The following ADGRL2 variants were observed in gnomAD, a reference collection of about 807,000 sequenced individuals.
The protein encoded by ADGRL2 is calcium-independent alpha-latrotoxin receptor 2.
In ADGRL2, 44 loss-of-function variants were observed where a neutral mutation model predicts 157.4. The observed-to-expected ratio is 0.28, with a 90% CI of 0.22 to 0.36. The LOEUF (loss-of-function observed/expected upper bound fraction) is 0.36, where lower values mean the gene tolerates loss of function less well. Ranked by LOEUF, ADGRL2 falls within the 10% of genes least tolerant of loss-of-function variation. The pLI is 1.00. For synonymous variants in ADGRL2, 585 were observed against 624.7 expected (o/e 0.94, Z 0.95); for missense variants, 1,510 against 1,768.9 (o/e 0.85, Z 2.63).
Position 81,737,509 on chromosome 1 carries a change from G to T in ADGRL2, c.-142-24302G>T, listed in dbSNP as rs151275057. ...CCACCAGGTCCCTCCCCCAACACTG[G>T]GGATTACAATTCAACATGAGACTCG... On this transcript the variant is annotated intron_variant, in intron 1 of 20. Transcript: ENST00000359929. Among the ~76,000 whole-genome samples, 72 of 152,216 alleles carry T rather than the reference G, an allele frequency of 4.7e-4. 2 individuals are homozygous for T. The East Asian group carries it at 0.014, about 29-fold the overall frequency.
At chr1:81,438,074 C>A (rs2077441253) in intron 1 of ADGRL2, among the ~76,000 whole-genome samples, 1 of 150,430 alleles carries the variant, frequency 6.6e-6, no homozygotes, top group Non-Finnish European at 1.5e-5. Flanking sequence ...TTCCTTCTCA[C>A]CGAATATGCC....
intron 22 of ADGRL2, 73 bp downstream of exon 22, chr1:81,987,102 A>C: frequency 6.6e-7 from 1 of 1,526,330 alleles, no homozygotes; most frequent in Non-Finnish European, 8.9e-7. Flanking sequence ...CCTGTTTCTA[A>C]AATATTCAAG....
At chr1:81,579,531 GAA>G (rs1288978904) in intron 2 of ADGRL2, among the ~76,000 whole-genome samples, 1 of 152,066 alleles carries the variant, frequency 6.6e-6, no homozygotes, top group African/African-American at 2.4e-5. Flanking sequence ...TAAATTAAGA[GAA>G]TATATTTGAT....
At chr1:81,895,489 C>T (rs749904139) in intron 2 of ADGRL2, among the ~76,000 whole-genome samples, 27 of 150,278 alleles carry the variant, frequency 1.8e-4, no homozygotes, top group Admixed American at 6.0e-4. Context: ...ACCTCCGCCA[C>T]CTGGGTTCAA....
chr1:81,973,911 A>T (rs183987177), intron 17 of ADGRL2, among the ~76,000 whole-genome samples: 160 of 151,080 alleles, frequency 1.1e-3, no homozygotes, highest in Non-Finnish European at 1.8e-3. Context: ...TTGAGATATG[A>T]TATGATGATA....
chr1:81,690,507 A>G (rs2083311104), intron 3 of ADGRL2, among the ~76,000 whole-genome samples: 1 of 152,126 alleles, frequency 6.6e-6, no homozygotes. Context: ...AGAAAAGAAG[A>G]CTGTAAAATT....
chr1:81,393,082 G>A (rs1408748284), intron 1 of ADGRL2, among the ~76,000 whole-genome samples: 1 of 151,936 alleles, frequency 6.6e-6, no homozygotes, highest in East Asian at 1.9e-4. Flanking sequence ...AGTTCCAGCT[G>A]TTTGTTCTTT....
intron 2 of ADGRL2, among the ~76,000 whole-genome samples, chr1:81,470,583 C>T (rs1336499740): frequency 6.6e-6 from 1 of 152,110 alleles, no homozygotes; most frequent in Non-Finnish European, 1.5e-5. Context: ...AATCTTCTTT[C>T]GGAGGCAAAG....
At chr1:81,700,463 C>A (rs114724378) in intron 1 of ADGRL2, among the ~76,000 whole-genome samples, 511 of 152,276 alleles carry the variant, frequency 3.4e-3, no homozygotes, top group African/African-American at 0.012. Context: ...ATCTTTGTCT[C>A]TTAAAATAAA....
chr1:81,715,306 T>A (rs1354956712), intron 1 of ADGRL2, among the ~76,000 whole-genome samples: 1 of 151,966 alleles, frequency 6.6e-6, no homozygotes, highest in Non-Finnish European at 1.5e-5. Flanking sequence ...TTTTTTTAAT[T>A]CTAAAGAGAC....
intron 2 of ADGRL2, among the ~76,000 whole-genome samples, chr1:81,887,250 G>C (rs1458216580): frequency 6.6e-6 from 1 of 152,180 alleles, no homozygotes; most frequent in African/African-American, 2.4e-5. Context: ...CACCCAGGTA[G>C]TTTGATCAGT....
intron 1 of ADGRL2, among the ~76,000 whole-genome samples, chr1:81,731,595 T>C (rs2084724518): frequency 6.6e-6 from 1 of 152,176 alleles, no homozygotes; most frequent in African/African-American, 2.4e-5. Flanking sequence ...GTAATTGCAG[T>C]TACTTCCGTA....
intron 3 of ADGRL2, among the ~76,000 whole-genome samples, chr1:81,615,365 G>C (rs947498863): frequency 3.3e-5 from 5 of 152,230 alleles, no homozygotes; most frequent in African/African-American, 1.2e-4. Context: ...CTTCTATGCT[G>C]TGGAAGCTTT....
At chr1:81,383,890 G>C (rs527526457) in intron 1 of ADGRL2, among the ~76,000 whole-genome samples, 17 of 146,064 alleles carry the variant, frequency 1.2e-4, no homozygotes, top group Non-Finnish European at 1.9e-4. Context: ...GGAGGCGGAG[G>C]TTGCAGTGAG....
chr1:81,349,224 TCCTC>T lies in ADGRL2; in HGVS notation c.-302+42716_-302+42719del, dbSNP rs1662697747. On this transcript the variant is annotated intron_variant, in intron 1 of 24. Coordinates refer to the ADGRL2 transcript ENST00000370721. Reference sequence around the variant, plus strand: ...ATATTGGCACCAGGGCAGTCTGCATTCCTCACTCTACAGCACTAAAGAGGTGTCT... The same window carrying T: ...ATATTGGCACCAGGGCAGTCTGCATTACTCTACAGCACTAAAGAGGTGTCT... Among the ~76,000 whole-genome samples, 3 of 152,152 alleles carry T rather than the reference TCCTC, an allele frequency of 2.0e-5. No homozygotes were observed. In the South Asian group the frequency reaches 6.2e-4, roughly 31 times the overall value.
chr1:81,543,911 T>C (rs1055897229), intron 2 of ADGRL2, among the ~76,000 whole-genome samples: 6 of 152,136 alleles, frequency 3.9e-5, no homozygotes, highest in African/African-American at 1.2e-4. Context: ...CCAGGAATGC[T>C]TCCATTAAAG....
At chr1:81,667,579 CTTG>C (rs2082778314) in intron 3 of ADGRL2, among the ~76,000 whole-genome samples, 1 of 152,072 alleles carries the variant, frequency 6.6e-6, no homozygotes, top group African/African-American at 2.4e-5. Context: ...TACTTTTTAT[CTTG>C]TTGTCATTAT....
chr1:81,591,004 G>A (rs1040891838), intron 3 of ADGRL2, among the ~76,000 whole-genome samples: 15 of 152,126 alleles, frequency 9.9e-5, no homozygotes, highest in Non-Finnish European at 1.8e-4. Flanking sequence ...TAGATATCAC[G>A]TGGAGTGTGT....
At chr1:81,935,989 T>C (rs2095305172) in intron 3 of ADGRL2, among the ~76,000 whole-genome samples, 1 of 151,888 alleles carries the variant, frequency 6.6e-6, no homozygotes, top group Non-Finnish European at 1.5e-5. Context: ...TTTTAGGGAG[T>C]ACTGGTGTTG....
Sources: gnomAD v4.1 joint callset for allele counts (sites outside exome capture counted in the v4.1 genomes callset) on GRCh38, gnomAD v4.1.1 for gene constraint, MANE v1.5 for transcripts, NCBI Gene and HGNC (gene_info 2026-07-23, HGNC 2026-07-21) for gene names.